CDH13: variants seen among roughly 807,000 people sequenced by gnomAD.
The protein encoded by CDH13 is cadherin 13.
In CDH13, 24 loss-of-function variants were observed where a neutral mutation model predicts 63.8. The observed-to-expected ratio is 0.38, with a 90% CI of 0.27 to 0.53. The LOEUF (loss-of-function observed/expected upper bound fraction) is 0.53, where lower values mean the gene tolerates loss of function less well. CDH13 is among the 20% of genes least tolerant of loss of function. The pLI is 0.85. For synonymous variants in CDH13, 503 were observed against 355.3 expected, an observed-to-expected ratio of 1.42 and a Z score of -4.67; for missense variants, 1,049 against 903.1, an observed-to-expected ratio of 1.16 and a Z score of -2.07.
Position 82,721,192 on chromosome 16 carries a change from A to G in CDH13, c.45+94055A>G, listed in dbSNP as rs1170602519. Among the ~76,000 whole-genome samples, 3 of 152,194 alleles carry G rather than the reference A, an allele frequency of 2.0e-5. No homozygotes were observed. In the East Asian group the frequency reaches 5.8e-4, roughly 29 times the overall value. Reference sequence around the variant, plus strand: ...TGATGATATTAAAACCTCAGTTTCTATCAAAAAGCATAAGACATTGCCCCC... The same window carrying G: ...TGATGATATTAAAACCTCAGTTTCTGTCAAAAAGCATAAGACATTGCCCCC... On this transcript the variant is annotated intron_variant, in intron 1 of 13. Transcript: ENST00000567109.
chr16:83,530,135 C>A (rs1053513126), intron 7 of CDH13, among the ~76,000 whole-genome samples: 1 of 152,150 alleles, frequency 6.6e-6, no homozygotes, highest in Non-Finnish European at 1.5e-5. Context: ...TGAAGAGGTT[C>A]ATATATTTGA....
At chr16:83,073,127 A>G (rs2032560669) in intron 3 of CDH13, among the ~76,000 whole-genome samples, 1 of 152,170 alleles carries the variant, frequency 6.6e-6, no homozygotes, top group Non-Finnish European at 1.5e-5. Context: ...TTTACAGGTA[A>G]GGAAGCACAA....
rs549590536 is a variant in CDH13, at chr16:83,093,294, C to CTTTTTTTTTT, written c.367-32062_367-32053dup. Among the ~76,000 whole-genome samples the CTTTTTTTTTT allele has an allele frequency of 4.2e-4, 15 of 35,324 alleles. 3 individuals are homozygous for CTTTTTTTTTT. The highest frequency in any genetic ancestry group is 9.6e-4 in the Admixed American group (2 of 2,082). 23.2% of individuals were successfully genotyped at this position (35,324 alleles called of 152,430 possible). A position where few individuals can be genotyped will look rare whatever the true frequency, so the allele number is the denominator to read the frequency against. ...TTGTCCTGTGGAAACACCATAAGTA[C>CTTTTTTTTTT]TTTTTTTTTTTTTTTTTTTTTTTTT... On this transcript the variant is annotated intron_variant, in intron 3 of 13. Transcript: ENST00000567109.
chr16:82,808,954 G>C (rs572066877), intron 1 of CDH13, among the ~76,000 whole-genome samples: 1 of 152,166 alleles, frequency 6.6e-6, no homozygotes, highest in Non-Finnish European at 1.5e-5. Context: ...TTTTTAGGTA[G>C]GTGCAATAAA....
Position 82,886,441 on chromosome 16 carries a change from G to A in CDH13, c.157+27968G>A, listed in dbSNP as rs150721613. On this transcript the variant is annotated intron_variant, in intron 2 of 13. Transcript: ENST00000567109. The stretch of plus-strand genomic sequence containing the variant: ...CCATTTCGGTAGACAAACATGGGAT[G>A]TTATTGCTATTTTATTAACTTGTTT... Among the ~76,000 whole-genome samples the A allele has an allele frequency of 3.6e-3, 550 of 152,232 alleles. 7 individuals carry two copies. The highest frequency in any genetic ancestry group is 0.012 in the African/African-American group (496 of 41,548).
At chr16:83,515,129 C>T (rs549303769) in intron 7 of CDH13, among the ~76,000 whole-genome samples, 31 of 152,184 alleles carry the variant, frequency 2.0e-4, no homozygotes, top group Admixed American at 5.2e-4. Context: ...GTTCTGGAGA[C>T]GTCATTCCAT....
At chr16:82,928,363 G>A (rs2042372310) in intron 2 of CDH13, among the ~76,000 whole-genome samples, 1 of 152,182 alleles carries the variant, frequency 6.6e-6, no homozygotes, top group Non-Finnish European at 1.5e-5. Context: ...CCCATTGCAT[G>A]TGGCATTGAA....
chr16:82,866,491 C>T (rs368682210), intron 2 of CDH13, among the ~76,000 whole-genome samples: 15 of 138,638 alleles, frequency 1.1e-4, no homozygotes, highest in Non-Finnish European at 2.0e-4. Flanking sequence ...CGGGTTCAAG[C>T]GATTCTCCTG....
chr16:83,536,491 G>T (rs1387556715), intron 7 of CDH13, among the ~76,000 whole-genome samples: 1 of 152,162 alleles, frequency 6.6e-6, no homozygotes, highest in Non-Finnish European at 1.5e-5. Flanking sequence ...CCTGTGGCCA[G>T]TGGGAATGCA....
chr16:83,174,297 T>A (rs941975072), intron 4 of CDH13, among the ~76,000 whole-genome samples: 1 of 152,128 alleles, frequency 6.6e-6, no homozygotes, highest in African/African-American at 2.4e-5. Flanking sequence ...CTGCATATAA[T>A]AACACCACTC....
At chr16:82,727,905 C>A (rs919716114) in intron 1 of CDH13, among the ~76,000 whole-genome samples, 1 of 152,126 alleles carries the variant, frequency 6.6e-6, no homozygotes, top group Non-Finnish European at 1.5e-5. Flanking sequence ...TCAAGAAACT[C>A]CTTATGCATG....
At position 83,349,310 on chromosome 16, in the gene CDH13, G is replaced by C. The variant is rs78587004; in HGVS notation, c.781+4304G>C. 1.1e-3 allele frequency among the ~76,000 whole-genome samples: 166 copies of C among 152,288 alleles called. 4 individuals carry two copies. In the East Asian group the frequency reaches 0.03, roughly 28 times the overall value. ...CCAAGACATGGTGTTCATGAGTAGGGGGTAGAGGGTGAGAACTCTTGAAAT... is the reference window on the plus strand; with the variant it reads ...CCAAGACATGGTGTTCATGAGTAGGCGGTAGAGGGTGAGAACTCTTGAAAT... On this transcript the variant is annotated intron_variant, in intron 6 of 13. Coordinates refer to ENST00000567109, the MANE Select transcript of CDH13 (RefSeq NM_001257.5).
At chr16:83,503,358 C>T (rs577587481) in intron 7 of CDH13, among the ~76,000 whole-genome samples, 1 of 152,136 alleles carries the variant, frequency 6.6e-6, no homozygotes, top group Non-Finnish European at 1.5e-5. Context: ...ATACTTTTAC[C>T]TAAATTAGAG....
At chr16:83,367,808 A>G (rs1299058045) in intron 6 of CDH13, among the ~76,000 whole-genome samples, 4 of 152,074 alleles carry the variant, frequency 2.6e-5, no homozygotes, top group African/African-American at 9.7e-5. Flanking sequence ...AATTTCTGTG[A>G]AAAAAGAGAA....
chr16:83,237,919 A>G (rs1262772410), intron 5 of CDH13, among the ~76,000 whole-genome samples: 2 of 152,200 alleles, frequency 1.3e-5, no homozygotes, highest in Admixed American at 6.5e-5. Context: ...GCTTTGAGAA[A>G]ATGAGGTACA....
At chr16:82,907,253 A>G (rs1212207738) in intron 2 of CDH13, among the ~76,000 whole-genome samples, 3 of 152,134 alleles carry the variant, frequency 2.0e-5, no homozygotes, top group Admixed American at 1.3e-4. Flanking sequence ...AGCTTAGGTG[A>G]TATGTTTGCA....
intron 3 of CDH13, among the ~76,000 whole-genome samples, chr16:83,081,508 C>T (rs1339011194): frequency 2.0e-5 from 3 of 152,180 alleles, no homozygotes; most frequent in African/African-American, 7.2e-5. Context: ...ACTGATTTCT[C>T]CTTAGTTTGG....
chr16:83,672,610 A>T (rs1232880526), intron 9 of CDH13, among the ~76,000 whole-genome samples: 2 of 151,524 alleles, frequency 1.3e-5, no homozygotes, highest in African/African-American at 4.8e-5. Flanking sequence ...TTTTCAATAG[A>T]GACGGGGTCT....
chr16:83,518,977 A>G (rs2074766033), intron 7 of CDH13, among the ~76,000 whole-genome samples: 1 of 152,150 alleles, frequency 6.6e-6, no homozygotes, highest in African/African-American at 2.4e-5. Context: ...TTGAGAACGG[A>G]CTAATATACC....
Sources: gnomAD v4.1 joint callset for allele counts (sites outside exome capture counted in the v4.1 genomes callset) on GRCh38, gnomAD v4.1.1 for gene constraint, MANE v1.5 for transcripts, NCBI Gene and HGNC (gene_info 2026-07-23, HGNC 2026-07-21) for gene names.